Variants in EYS observed in about 807,000 individuals in gnomAD.
EYS encodes the protein protein eyes shut homolog.
Under a neutral mutation model 282.1 loss-of-function variants are expected in EYS, and 250 were observed. That is an observed-to-expected ratio of 0.89 (90% CI 0.80 to 0.98). EYS has a LOEUF of 0.98. EYS is among the 50% of genes least tolerant of loss of function. The pLI is 0.00. For missense variants in EYS, 4,016 were observed against 3,709.0 expected, an observed-to-expected ratio of 1.08 and a Z score of -2.15; for synonymous variants, 1,355 against 1,282.9, an observed-to-expected ratio of 1.06 and a Z score of -1.20.
chr6:64,526,932 T>A (rs116595538), intron 26 of EYS, among the ~76,000 whole-genome samples: 1 of 151,754 alleles, frequency 6.6e-6, no homozygotes, highest in African/African-American at 2.4e-5. Context: ...AAATTCTAAG[T>A]GATCCAACAG....
rs574934660 is a variant in EYS, at chr6:65,628,373, G to A, written c.-333+11405C>T. Among the ~76,000 whole-genome samples, 14 of 152,256 alleles carry A rather than the reference G, an allele frequency of 9.2e-5. No individual in the cohort carries two copies. In the East Asian group the frequency reaches 2.3e-3, roughly 25 times the overall value. On this transcript the variant is annotated intron_variant, in intron 2 of 42. Transcript: ENST00000503581. ...CACCAATCAGCACCCTGACAAAAGA[G>A]GCCACTCGGCTCCACCAATCAGCAG...
At chr6:63,914,472 G>C (rs1385499982) in intron 35 of EYS, among the ~76,000 whole-genome samples, 1 of 152,198 alleles carries the variant, frequency 6.6e-6, no homozygotes, top group Non-Finnish European at 1.5e-5. Flanking sequence ...ACTTTGGGAG[G>C]TCAAGGTGGG....
chr6:64,462,252 A>G (rs1019388128), intron 26 of EYS, among the ~76,000 whole-genome samples: 1 of 152,208 alleles, frequency 6.6e-6, no homozygotes, highest in Admixed American at 6.5e-5. Context: ...AAATTAATTT[A>G]ACTTGGATGA....
chr6:63,758,574 T>C (rs1769553810), intron 41 of EYS, among the ~76,000 whole-genome samples: 1 of 151,994 alleles, frequency 6.6e-6, no homozygotes, highest in Admixed American at 6.6e-5. Flanking sequence ...GCTAGAAGAG[T>C]CTTTGACAAT....
intron 28 of EYS, among the ~76,000 whole-genome samples, chr6:64,392,189 A>T (rs2150428474): frequency 6.6e-6 from 1 of 150,660 alleles, no homozygotes; most frequent in African/African-American, 2.5e-5. Flanking sequence ...AGACTTTAAC[A>T]CCCCACTGTC....
chr6:64,482,799 A>T (rs1776474070), intron 26 of EYS, among the ~76,000 whole-genome samples: 1 of 151,730 alleles, frequency 6.6e-6, no homozygotes, highest in Non-Finnish European at 1.5e-5. Context: ...TGCAAACAGT[A>T]GCTAACAATT....
chr6:63,979,349 T>C lies in EYS; in HGVS notation c.7055+5034A>G, dbSNP rs918267553. On this transcript the variant is annotated intron_variant, in intron 35 of 42. Transcript: ENST00000503581. ...AGCCTCTGCCTTGGAACATGGAGGATAGCACTGGTTAATGATGAATAAAAG... is the reference window on the plus strand; with the variant it reads ...AGCCTCTGCCTTGGAACATGGAGGACAGCACTGGTTAATGATGAATAAAAG... Among the ~76,000 whole-genome samples, 4 of 151,922 alleles carry C rather than the reference T, an allele frequency of 2.6e-5. No individual in the cohort carries two copies. The East Asian group carries it at 7.8e-4, about 29-fold the overall frequency.
intron 34 of EYS, among the ~76,000 whole-genome samples, chr6:63,994,309 A>G (rs1180953380): frequency 6.6e-6 from 1 of 151,928 alleles, no homozygotes; most frequent in African/African-American, 2.4e-5. Flanking sequence ...TTAAGTAGGA[A>G]CAGATAAATA....
At chr6:65,589,724 T>C (rs962158148) in intron 2 of EYS, among the ~76,000 whole-genome samples, 4 of 151,992 alleles carry the variant, frequency 2.6e-5, no homozygotes, top group African/African-American at 9.7e-5. Flanking sequence ...TACATATTAA[T>C]ATTTCTAATA....
chr6:64,850,139 C>T (rs138553258), intron 19 of EYS, among the ~76,000 whole-genome samples: 5 of 152,196 alleles, frequency 3.3e-5, no homozygotes, highest in Admixed American at 1.3e-4. Context: ...TTTAGACTCA[C>T]TTGCCACATC....
intron 7 of EYS, among the ~76,000 whole-genome samples, chr6:65,400,203 T>C (rs1217038113): frequency 6.6e-6 from 1 of 152,088 alleles, no homozygotes; most frequent in Admixed American, 6.6e-5. Context: ...TCCTAGTATT[T>C]GGATGGCTAA....
At chr6:64,647,474 C>T (rs1487342631) in intron 22 of EYS, among the ~76,000 whole-genome samples, 1 of 152,036 alleles carries the variant, frequency 6.6e-6, no homozygotes, top group Non-Finnish European at 1.5e-5. Context: ...ATGAAGAATA[C>T]TCAACAACTT....
At chr6:64,527,487 A>G (rs899501438) in intron 26 of EYS, among the ~76,000 whole-genome samples, 1 of 151,858 alleles carries the variant, frequency 6.6e-6, no homozygotes, top group Non-Finnish European at 1.5e-5. Flanking sequence ...CTGACCATAT[A>G]CATTCTGAAA....
chr6:65,693,375 C>T (rs1173296484), intron 1 of EYS, among the ~76,000 whole-genome samples: 1 of 144,728 alleles, frequency 6.9e-6, no homozygotes, highest in African/African-American at 2.5e-5. Context: ...ACACAGCCCT[C>T]AAAAGCAAAC....
chr6:65,300,181 T>C (rs1215290894), intron 11 of EYS, among the ~76,000 whole-genome samples: 3 of 152,142 alleles, frequency 2.0e-5, no homozygotes, highest in Non-Finnish European at 4.4e-5. Context: ...CTCAGTCTTT[T>C]TGTCCTTAGA....
intron 13 of EYS, among the ~76,000 whole-genome samples, chr6:65,015,556 T>C (rs1039260368): frequency 2.0e-5 from 3 of 152,196 alleles, no homozygotes; most frequent in Admixed American, 1.3e-4. Context: ...AAAATATATA[T>C]AATGCTGCTT....
intron 26 of EYS, among the ~76,000 whole-genome samples, chr6:64,441,697 T>A (rs994342119): frequency 1.3e-5 from 2 of 152,114 alleles, no homozygotes; most frequent in Non-Finnish European, 2.9e-5. Flanking sequence ...GTTCTTGCAA[T>A]AGTGAATGGG....
At chr6:64,921,139 T>A (rs1768334642) in intron 15 of EYS, among the ~76,000 whole-genome samples, 1 of 152,156 alleles carries the variant, frequency 6.6e-6, no homozygotes, top group African/African-American at 2.4e-5. Context: ...GTATTAAAAC[T>A]ATATACTCTA....
intron 29 of EYS, among the ~76,000 whole-genome samples, chr6:64,341,233 C>T (rs1019878004): frequency 6.6e-6 from 1 of 151,598 alleles, no homozygotes; most frequent in African/African-American, 2.4e-5. Context: ...AGTCATTATA[C>T]CAAAAAGACA....
Sources: gnomAD v4.1 joint callset for allele counts (sites outside exome capture counted in the v4.1 genomes callset) on GRCh38, gnomAD v4.1.1 for gene constraint, MANE v1.5 for transcripts, NCBI Gene and HGNC (gene_info 2026-07-23, HGNC 2026-07-21) for gene names.